MYLK: variants seen among roughly 807,000 people sequenced by gnomAD.
MYLK encodes myosin light chain kinase, also known as myosin light chain kinase, smooth muscle.
Under a neutral mutation model 203.4 loss-of-function variants are expected in MYLK, and 106 were observed. That is an observed-to-expected ratio of 0.52 (90% confidence interval 0.45 to 0.61). MYLK has a LOEUF of 0.61. MYLK is among the 20% of genes least tolerant of loss of function. MYLK has a pLI of 0.00. For missense variants in MYLK, 2,072 were observed against 2,442.3 expected (o/e 0.85, Z 3.20); for synonymous variants, 867 against 959.5 (o/e 0.90, Z 1.78).
intron 5 of MYLK, among the ~76,000 whole-genome samples, chr3:123,742,574 G>C (rs1016742485): frequency 6.6e-6 from 1 of 152,060 alleles, no homozygotes; most frequent in Non-Finnish European, 1.5e-5. Context: ...TCCAAATAGA[G>C]GATGGATAGG....
intron 11 of MYLK, among the ~76,000 whole-genome samples, chr3:123,729,437 C>T (rs557326688): frequency 1.3e-5 from 2 of 152,274 alleles, no homozygotes; most frequent in Admixed American, 6.5e-5. Context: ...ACATAAAGAA[C>T]TCTTGCAACT....
At chr3:123,692,500 A>G (rs1474129645) in intron 19 of MYLK, 11 of 913,096 alleles carry the variant, frequency 1.2e-5, no homozygotes, top group Admixed American at 2.5e-5. Flanking sequence ...GGAGGGGGAC[A>G]GGACAGCCAG....
At chr3:123,864,626 A>G (rs940499335) in intron 2 of MYLK, among the ~76,000 whole-genome samples, 4 of 152,202 alleles carry the variant, frequency 2.6e-5, no homozygotes, top group African/African-American at 9.7e-5. Flanking sequence ...AATTATAGAA[A>G]TTAGTCCCTA....
In MYLK at chr3:123,737,408, C is replaced by T. The variant is rs753402124; in HGVS notation, c.724G>A (p.Ala242Thr). 8.1e-6 allele frequency: 13 copies of T among 1,614,152 alleles called. No homozygotes were observed. In the South Asian group the frequency reaches 1.1e-4, roughly 14 times the overall value. ...TCLVVNGSGK[A>T]SMSAELSIQG... is the part of the protein sequence containing the mutation. ...ATGGAAAGTTCAGCTGACATCGAGG[C>T]CTTCCCCGACCCGTTCACCACCAGG... Residue 242 changes from alanine (A) to threonine (T), a missense_variant, in exon 8 of 34, where the codon GCC becomes ACC. Around this residue, in one of 3 missense-constraint regions of MYLK, gnomAD observed 683 missense variants for 643.8 expected, o/e 1.06. Transcript: ENST00000360304.
intron 13 of MYLK, among the ~76,000 whole-genome samples, chr3:123,710,504 G>A (rs1175563084): frequency 6.6e-6 from 1 of 152,096 alleles, no homozygotes; most frequent in African/African-American, 2.4e-5. Flanking sequence ...CATCCTAGGA[G>A]GTTTTAAGCA....
Position 123,613,819 on chromosome 3 carries a change from G to T in MYLK, c.*286C>A. ...CTTTGCCCAGATAAATATTTGGTTT[G>T]GTTACTTTCTCTCTAAAATCAATTG... On this transcript the variant is annotated 3_prime_UTR_variant, in exon 34 of 34. Transcript: ENST00000360304. The T allele has an allele frequency of 2.4e-6, 1 of 425,308 alleles. No homozygotes were observed. The highest frequency in any genetic ancestry group is 3.8e-5 in the Admixed American group (1 of 26,224). The allele number at this position is 425,308 out of a possible 1,614,324, so 26.3% of individuals were successfully genotyped here.
At position 123,874,669 on chromosome 3, in the gene MYLK, TA is replaced by T. The variant is rs2033032863; in HGVS notation, c.-127+1889del. Among the ~76,000 whole-genome samples the T allele has an allele frequency of 3.3e-5, 5 of 152,286 alleles. No homozygotes were observed. The South Asian group carries it at 1.0e-3, about 32-fold the overall frequency. On this transcript the variant is annotated intron_variant, in intron 2 of 33. Transcript: ENST00000360304. Reference sequence around the variant, plus strand: ...ACAATTAAAGACTTCTGTCATGCAGTAACAGGCATTGTTAAAGAGAATGAGA... The same window carrying T: ...ACAATTAAAGACTTCTGTCATGCAGTACAGGCATTGTTAAAGAGAATGAGA...
At chr3:123,673,798 G>A (rs954198039) in intron 20 of MYLK, among the ~76,000 whole-genome samples, 1 of 152,132 alleles carries the variant, frequency 6.6e-6, no homozygotes, top group Non-Finnish European at 1.5e-5. Context: ...GAACATCCTA[G>A]AAGGAAAATA....
intron 19 of MYLK, among the ~76,000 whole-genome samples, chr3:123,686,568 C>T (rs1214015175): frequency 2.0e-5 from 3 of 152,132 alleles, no homozygotes; most frequent in Non-Finnish European, 4.4e-5. Flanking sequence ...TGACTGAGTG[C>T]AAGCAGTGTG....
Position 123,666,316 on chromosome 3 carries a change from T to C in MYLK, c.3734A>G (p.Glu1245Gly). The change falls in exon 22 of 34, where the codon GAG becomes GGG. Residue 1245 changes from glutamate (E) to glycine (G), a missense_variant. By Grantham distance (98) the Glu-to-Gly change is moderately conservative. Around this residue, in one of 3 missense-constraint regions of MYLK, gnomAD observed 865 missense variants for 1,016.0 expected, o/e 0.85. Transcript: ENST00000360304. ...AMPPQIIQFP[E>G]DQKVRAGESV... ...CTCTCCTGCGCGTACCTTCTGGTCC[T>C]CAGGGAACTGGATGATCTGAGGGGG... The C allele has an allele frequency of 2.5e-6, 4 of 1,614,206 alleles. No individual in the cohort carries two copies. Among genetic ancestry groups the C allele is most frequent in the Non-Finnish European group, 2.5e-6 (3 of 1,180,032 alleles).
At chr3:123,707,186 G>A (rs3174992) in intron 16 of MYLK, among the ~76,000 whole-genome samples, 2 of 152,154 alleles carry the variant, frequency 1.3e-5, no homozygotes, top group East Asian at 1.9e-4. Flanking sequence ...GTGAGGAGCC[G>A]AGGCCTCCCA....
At chr3:123,720,853 C>T (rs1315923245) in intron 13 of MYLK, among the ~76,000 whole-genome samples, 1 of 152,166 alleles carries the variant, frequency 6.6e-6, no homozygotes. Context: ...AAGGGACTGA[C>T]ACTGCCCAGC....
At position 123,709,024 on chromosome 3, in the gene MYLK, A is replaced by C. The variant is rs1249943806; in HGVS notation, c.1943-129T>G. ...CTCTCTATGCTTTCACTTCCCCATCAGTAAAATAGGAATTCAAACAGGATC... is the reference window on the plus strand; with the variant it reads ...CTCTCTATGCTTTCACTTCCCCATCCGTAAAATAGGAATTCAAACAGGATC... On this transcript the variant is annotated intron_variant, in intron 14 of 33. Transcript: ENST00000360304. 5 of 768,748 alleles carry C rather than the reference A, an allele frequency of 6.5e-6. No homozygotes were observed. The African/African-American group carries it at 6.9e-5, about 11-fold the overall frequency. The allele number at this position is 768,748 out of a possible 1,614,324, so 47.6% of individuals were successfully genotyped here.
chr3:123,667,078 AG>A, intron 21 of MYLK, 58 bp downstream of exon 21: 2 of 1,534,268 alleles, frequency 1.3e-6, no homozygotes, highest in South Asian at 1.1e-5. Flanking sequence ...AGCAAGGTAA[AG>A]GCAAAACCCC....
chr3:123,776,595 A>G (rs1172622708), intron 4 of MYLK, among the ~76,000 whole-genome samples: 2 of 152,252 alleles, frequency 1.3e-5, no homozygotes, highest in African/African-American at 2.4e-5. Context: ...AATATTCACC[A>G]TTAAAATTAT....
At chr3:123,840,603 A>AT (rs1359207401) in intron 2 of MYLK, among the ~76,000 whole-genome samples, 1 of 151,886 alleles carries the variant, frequency 6.6e-6, no homozygotes. Flanking sequence ...TAAAGACATT[A>AT]TAAAAAAAAC....
chr3:123,878,616 C>T (rs529834726), intron 1 of MYLK, among the ~76,000 whole-genome samples: 4 of 152,310 alleles, frequency 2.6e-5, no homozygotes, highest in African/African-American at 9.6e-5. Context: ...TCAGGCCGTT[C>T]ACCTTCCTAT....
At chr3:123,652,835 G>A (rs1240646597) in intron 24 of MYLK, among the ~76,000 whole-genome samples, 2 of 152,166 alleles carry the variant, frequency 1.3e-5, no homozygotes. Flanking sequence ...TGTGCACTTG[G>A]GTTTGGGAGT....
intron 3 of MYLK, chr3:123,814,243 C>T (rs2065663277): frequency 1.4e-5 from 3 of 217,108 alleles, no homozygotes; most frequent in Non-Finnish European, 2.9e-5. Context: ...GGTATCTTCC[C>T]CGGCCACATT....
Sources: allele counts gnomAD v4.1 joint callset (sites outside exome capture counted in the v4.1 genomes callset), GRCh38; gene constraint gnomAD v4.1.1; regional missense constraint gnomAD v4.1.1; transcripts MANE v1.5; gene names NCBI Gene and HGNC (gene_info 2026-07-23, HGNC 2026-07-21).